Variants in ANKIB1 observed in about 807,000 individuals in gnomAD.
ANKIB1 encodes the protein ankyrin repeat and IBR domain-containing protein 1.
A neutral mutation model predicts 122.1 loss-of-function variants in ANKIB1; 43 were observed. The ratio of observed to expected loss-of-function variants is 0.35; its 90% CI spans 0.28 to 0.45. ANKIB1 has a LOEUF of 0.45. Among genes scored for constraint, ANKIB1 ranks in the 20% least tolerant of loss-of-function variants. ANKIB1 has a pLI of 1.00. For synonymous variants in ANKIB1, 390 were observed against 442.0 expected, an observed-to-expected ratio of 0.88 and a Z score of 1.48; for missense variants, 992 against 1,329.5, an observed-to-expected ratio of 0.75 and a Z score of 3.95.
intron 1 of ANKIB1, 124 bp downstream of exon 1, chr7:92,246,643 T>A (rs1232276581): frequency 2.2e-6 from 1 of 452,460 alleles, no homozygotes; most frequent in Non-Finnish European, 4.4e-6. Flanking sequence ...TCGCCTGTTT[T>A]GGAGCATTGT....
chr7:92,370,749 A>G (rs1007132804), intron 10 of ANKIB1, among the ~76,000 whole-genome samples: 35 of 152,266 alleles, frequency 2.3e-4, no homozygotes, highest in African/African-American at 7.7e-4. Flanking sequence ...TTTTGTGTCA[A>G]TAAAAGAAAA....
rs1481227852 is a variant in ANKIB1 at position 92,352,566 on chromosome 7, T to C, written c.1321T>C (p.Ser441Pro). The C allele has an allele frequency of 3.7e-6, 6 of 1,613,486 alleles. No homozygotes were observed. The highest frequency in any genetic ancestry group is 4.2e-6 in the Non-Finnish European group (5 of 1,179,828). The change falls in exon 9 of 20, where the codon TCT becomes CCT. Residue 441 changes from serine to proline, a missense_variant. Ser to Pro is a moderately conservative substitution (Grantham distance 74). This residue lies in a region of ANKIB1 where 521 missense variants were observed against 777.7 expected (regional missense o/e 0.67). Transcript: ENST00000265742. ...VRLTKQGSNT[S>P]GSDTLSFPLL... Reference sequence around the variant, plus strand: ...ACTAACGAAACAAGGGTCAAATACATCTGGATCTGATACACTCAGCTTCCC... The same window carrying C: ...ACTAACGAAACAAGGGTCAAATACACCTGGATCTGATACACTCAGCTTCCC...
intron 1 of ANKIB1, among the ~76,000 whole-genome samples, chr7:92,265,725 A>G (rs1801659299): frequency 6.6e-6 from 1 of 152,188 alleles, no homozygotes; most frequent in Admixed American, 6.5e-5. Flanking sequence ...TCAGGCTAAG[A>G]AAGGACTCAA....
At chr7:92,250,823 G>T (rs1801315394) in intron 1 of ANKIB1, among the ~76,000 whole-genome samples, 1 of 151,976 alleles carries the variant, frequency 6.6e-6, no homozygotes, top group African/African-American at 2.4e-5. Context: ...TTTAAAACAT[G>T]GTTTTTCACT....
rs1441332202 is a variant in ANKIB1, at chr7:92,398,957, A to C, written c.*8A>C. The C allele has an allele frequency of 6.5e-7, 1 of 1,536,374 alleles. No individual in the cohort carries two copies. The highest frequency in any genetic ancestry group is 8.8e-7 in the Non-Finnish European group (1 of 1,142,260). On this transcript the variant is annotated 3_prime_UTR_variant, in exon 20 of 20. Transcript: ENST00000265742. ...CAAGTACATTTAGTGTGAACTGCACACATCTGGGCTCTAAATGAATTACAG... is the reference window on the plus strand; with the variant it reads ...CAAGTACATTTAGTGTGAACTGCACCCATCTGGGCTCTAAATGAATTACAG...
chr7:92,356,163 G>A (rs1432430209), intron 9 of ANKIB1, among the ~76,000 whole-genome samples: 1 of 152,060 alleles, frequency 6.6e-6, no homozygotes, highest in Non-Finnish European at 1.5e-5. Context: ...TCTTTATTCA[G>A]AGCAGTAGTT....
At chr7:92,302,531 A>G (rs903907311) in intron 2 of ANKIB1, among the ~76,000 whole-genome samples, 1 of 152,206 alleles carries the variant, frequency 6.6e-6, no homozygotes, top group African/African-American at 2.4e-5. Context: ...CCATACTCAC[A>G]GCTACTGCTT....
chr7:92,270,716 T>G (rs1801768108), intron 1 of ANKIB1, among the ~76,000 whole-genome samples: 1 of 147,248 alleles, frequency 6.8e-6, no homozygotes, highest in Admixed American at 6.8e-5. Context: ...TGGTCTGTCT[T>G]CCATCGCTAT....
chr7:92,387,927 T>A, intron 13 of ANKIB1, 43 bp downstream of exon 13: 1 of 1,606,544 alleles, frequency 6.2e-7, no homozygotes, highest in South Asian at 1.1e-5. Flanking sequence ...TATACTGTTG[T>A]GAATAAATAA....
At chr7:92,304,499 T>C (rs1802518159) in intron 2 of ANKIB1, among the ~76,000 whole-genome samples, 1 of 152,122 alleles carries the variant, frequency 6.6e-6, no homozygotes, top group Non-Finnish European at 1.5e-5. Flanking sequence ...TCTCAATTTA[T>C]GTTAAATTTC....
chr7:92,289,912 G>A (rs999019035), intron 1 of ANKIB1, among the ~76,000 whole-genome samples: 10 of 152,150 alleles, frequency 6.6e-5, no homozygotes, highest in African/African-American at 2.2e-4. Context: ...CACCTCCTGG[G>A]CTCAAGCCAT....
chr7:92,338,929 AAAAAATATATATAT>A (rs1363546714), intron 5 of ANKIB1, among the ~76,000 whole-genome samples: 102 of 36,762 alleles, frequency 2.8e-3, no homozygotes, highest in Non-Finnish European at 4.8e-3. Flanking sequence ...AAAAAAAAAA[AAAAAATATATATAT>A]ATATATATAT....
chr7:92,324,433 C>T (rs938527565), intron 4 of ANKIB1, among the ~76,000 whole-genome samples: 1 of 152,104 alleles, frequency 6.6e-6, no homozygotes, highest in Non-Finnish European at 1.5e-5. Context: ...AGGGTTTCAC[C>T]GTGTTGACCA....
chr7:92,337,822 G>A (rs1803320196), intron 5 of ANKIB1, among the ~76,000 whole-genome samples: 1 of 152,052 alleles, frequency 6.6e-6, no homozygotes, highest in African/African-American at 2.4e-5. Context: ...TAAAATATGA[G>A]TAAATAGTTA....
In ANKIB1 at chr7:92,368,479, G is replaced by C. The variant is rs117364263; in HGVS notation, c.1487-2998G>C. 1.1e-3 allele frequency among the ~76,000 whole-genome samples: 168 copies of C among 152,110 alleles called. 3 individuals are homozygous for C. The East Asian group carries it at 0.029, about 26-fold the overall frequency. On this transcript the variant is annotated intron_variant, in intron 10 of 19. Transcript: ENST00000265742. ...TGCCTGTAATCCCAGTACTTGGAGA[G>C]GCCAACGCAGGCAGATCACTTCAGG...
rs538537037 is a variant in ANKIB1, at chr7:92,305,566, A to G, written c.189-1793A>G. The stretch of plus-strand genomic sequence containing the variant: ...TAATGAGTTATGTAATTGGGATGCT[A>G]TATGAAGACAAAGAAAAGAGTGGCA... On this transcript the variant is annotated intron_variant, in intron 2 of 19. Transcript: ENST00000265742. Among the ~76,000 whole-genome samples the G allele has an allele frequency of 2.6e-5, 4 of 152,314 alleles. No homozygotes were observed. In the South Asian group the frequency reaches 6.2e-4, roughly 24 times the overall value.
In ANKIB1 at chr7:92,300,005, G is replaced by A. The variant is rs185772642; in HGVS notation, c.188+4839G>A. Among the ~76,000 whole-genome samples the A allele has an allele frequency of 2.0e-4, 30 of 151,940 alleles. No homozygotes were observed. The East Asian group carries it at 4.4e-3, about 22-fold the overall frequency. On this transcript the variant is annotated intron_variant, in intron 2 of 19. Coordinates refer to ENST00000265742, the MANE Select transcript of ANKIB1 (RefSeq NM_019004.2). ...TAATTTTTTGTAGAGATGGGATTTC[G>A]CCATGTTGGCAGATAGATCTTGAAC...
At chr7:92,305,927 T>C (rs1802549344) in intron 2 of ANKIB1, among the ~76,000 whole-genome samples, 1 of 152,172 alleles carries the variant, frequency 6.6e-6, no homozygotes, top group Admixed American at 6.5e-5. Flanking sequence ...CTCGAGACCA[T>C]GGAAGTATTC....
At chr7:92,348,011 A>G (rs1290739432) in intron 7 of ANKIB1, 4 of 450,866 alleles carry the variant, frequency 8.9e-6, no homozygotes, top group Non-Finnish European at 8.9e-6. Context: ...CAAGATAAAA[A>G]TATAGGTAAG....
Sources: allele counts gnomAD v4.1 joint callset (sites outside exome capture counted in the v4.1 genomes callset), GRCh38; gene constraint gnomAD v4.1.1; regional missense constraint gnomAD v4.1.1; transcripts MANE v1.5; gene names NCBI Gene and HGNC (gene_info 2026-07-23, HGNC 2026-07-21).